MPC1: variants seen among roughly 807,000 people sequenced by gnomAD.
The protein encoded by MPC1 is mitochondrial pyruvate carrier 1.
In MPC1, 6 loss-of-function variants were observed where a neutral mutation model predicts 13.9. The observed-to-expected ratio is 0.43, with a 90% confidence interval of 0.24 to 0.85. The LOEUF is 0.85. Ranked by LOEUF, MPC1 falls within the 40% of genes least tolerant of loss-of-function variation. The pLI is 0.24. For missense variants in MPC1, 115 were observed against 143.3 expected (o/e 0.80, Z 1.01); for synonymous variants, 47 against 50.5 (o/e 0.93, Z 0.29).
chr6:166,370,388 A>G, intron 1 of MPC1, 167 bp from the exon 2 acceptor site: 1 of 559,722 alleles, frequency 1.8e-6, no homozygotes, highest in Admixed American at 3.5e-5. Context: ...ATTATTTTTA[A>G]AAGATCAAGT....
chr6:166,379,180 T>TA (rs35297662), intron 1 of MPC1, among the ~76,000 whole-genome samples: 7 of 151,516 alleles, frequency 4.6e-5, no homozygotes, highest in African/African-American at 7.3e-5. Flanking sequence ...TTCAGTGAAA[T>TA]AAAAAAAAAT....
chr6:166,372,017 T>C (rs1316528549), intron 1 of MPC1, among the ~76,000 whole-genome samples: 1 of 152,148 alleles, frequency 6.6e-6, no homozygotes, highest in African/African-American at 2.4e-5. Context: ...TATATATCAT[T>C]CATATATATA....
intron 1 of MPC1, among the ~76,000 whole-genome samples, chr6:166,375,718 T>C (rs1279470536): frequency 6.6e-6 from 1 of 152,234 alleles, no homozygotes; most frequent in Non-Finnish European, 1.5e-5. Flanking sequence ...CAGCTTTCGT[T>C]AGTGACTTCT....
intron 2 of MPC1, 74 bp from the exon 3 acceptor site, chr6:166,366,965 T>G: frequency 1.2e-6 from 2 of 1,607,242 alleles, no homozygotes; most frequent in Non-Finnish European, 1.7e-6. Flanking sequence ...GAAATTTCCC[T>G]TACTTTAAAT....
At position 166,365,395 on chromosome 6, in the gene MPC1, G is replaced by C. The variant is rs372437344; in HGVS notation, c.*34C>G. The C allele has an allele frequency of 6.6e-7, 1 of 1,519,706 alleles. No individual in the cohort carries two copies. The highest frequency in any genetic ancestry group is 1.3e-5 in the South Asian group (1 of 77,326). The allele number at this position is 1,519,706 out of a possible 1,614,324, so 94.1% of individuals were successfully genotyped here. A position where few individuals can be genotyped will look rare whatever the true frequency, so the allele number is the denominator to read the frequency against. On this transcript the variant is annotated 3_prime_UTR_variant, in exon 5 of 5. Transcript: ENST00000360961. This position sits in a 1 kb window ranked among gnomAD's most constrained non-coding sequence, Gnocchi z 4.2. Reference sequence around the variant, plus strand: ...TGACTCAGCAGCAGCTGGCAATGCTGTCCCTTCAAGACCTTGTTCTTCCTT... The same window carrying C: ...TGACTCAGCAGCAGCTGGCAATGCTCTCCCTTCAAGACCTTGTTCTTCCTT...
chr6:166,381,858 T>TA (rs1779795946), intron 1 of MPC1: 1 of 976,456 alleles, frequency 1.0e-6, no homozygotes. Flanking sequence ...CTCCCAAGCT[T>TA]AAAGTCCTTA....
intron 1 of MPC1, among the ~76,000 whole-genome samples, chr6:166,381,021 A>G (rs969741539): frequency 1.3e-5 from 2 of 152,122 alleles, no homozygotes; most frequent in African/African-American, 4.8e-5. Flanking sequence ...AGGTGTCATA[A>G]CTGTATTTTT....
At chr6:166,371,958 G>A (rs906413837) in intron 1 of MPC1, among the ~76,000 whole-genome samples, 40 of 152,270 alleles carry the variant, frequency 2.6e-4, no homozygotes, top group Admixed American at 6.5e-4. Context: ...AGGAGAAACT[G>A]CAGATGAGGG....
chr6:166,372,020 T>C (rs1779399249), intron 1 of MPC1, among the ~76,000 whole-genome samples: 1 of 152,150 alleles, frequency 6.6e-6, no homozygotes, highest in Non-Finnish European at 1.5e-5. Flanking sequence ...ATATCATTCA[T>C]ATATATACAA....
chr6:166,370,259 G>C (rs765754509), intron 1 of MPC1, 38 bp from the exon 2 acceptor site: 8 of 732,440 alleles, frequency 1.1e-5, no homozygotes, highest in Non-Finnish European at 1.8e-5. Context: ...AGACAGGACA[G>C]ACATGGAAAA....
intron 2 of MPC1, among the ~76,000 whole-genome samples, chr6:166,369,638 T>C (rs962344651): frequency 6.6e-6 from 1 of 152,260 alleles, no homozygotes; most frequent in African/African-American, 2.4e-5. Flanking sequence ...TACAATATTC[T>C]AGTTCTCTCT....
intron 1 of MPC1, among the ~76,000 whole-genome samples, chr6:166,371,436 G>C (rs1779376270): frequency 6.6e-6 from 1 of 152,144 alleles, no homozygotes; most frequent in South Asian, 2.1e-4. Context: ...ATATACCTGA[G>C]CTCTTCTCTT....
In MPC1 at chr6:166,365,065, A is replaced by G; in HGVS notation, c.*364T>C. On this transcript the variant is annotated 3_prime_UTR_variant, in exon 5 of 5. Coordinates refer to ENST00000360961, the MANE Select transcript of MPC1 (RefSeq NM_016098.4). The surrounding 1 kb of genome is among the most constrained non-coding windows in gnomAD (Gnocchi z 4.2). ...CTGTTGGTTGTCTTGTGGTCATTAAAGACAATGTTAAGAATCAGGAGTACT... is the reference window on the plus strand; with the variant it reads ...CTGTTGGTTGTCTTGTGGTCATTAAGGACAATGTTAAGAATCAGGAGTACT... The G allele has an allele frequency of 5.7e-6, 1 of 176,942 alleles. No individual in the cohort carries two copies. Among genetic ancestry groups the G allele is most frequent in the Non-Finnish European group, 1.2e-5 (1 of 84,728 alleles). The allele number at this position is 176,942 out of a possible 1,614,324, so 11.0% of individuals were successfully genotyped here. A position where few individuals can be genotyped will look rare whatever the true frequency, so the allele number is the denominator to read the frequency against.
At chr6:166,374,185 G>C (rs1191148284) in intron 1 of MPC1, among the ~76,000 whole-genome samples, 1 of 152,124 alleles carries the variant, frequency 6.6e-6, no homozygotes, top group Non-Finnish European at 1.5e-5. Context: ...TTAGGTAGAG[G>C]TTTCACCATG....
rs1199050965 is a variant in MPC1, at chr6:166,366,825, G to A, written c.142C>T (p.Pro48Ser). 2 of 1,614,064 alleles carry A rather than the reference G, an allele frequency of 1.2e-6. No homozygotes were observed. Among genetic ancestry groups the A allele is most frequent in the Non-Finnish European group, 8.5e-7 (1 of 1,179,964 alleles). Residue 48 changes from proline to serine, a missense_variant, in exon 3 of 5, where the codon CCA (proline) becomes TCA (serine). Physicochemically the swap from Pro to Ser is moderately conservative, Grantham distance 74 (BLOSUM62 -1). Coordinates refer to ENST00000360961, the MANE Select transcript of MPC1 (RefSeq NM_016098.4). ...GTCATCCGCCCACTGATAATCTCTG[G>A]AGACTTTTTCATATCATTGATGGCA... ...IAAINDMKKS[P>S]EIISGRMTFA... is the part of the protein sequence containing the mutation.
intron 1 of MPC1, among the ~76,000 whole-genome samples, chr6:166,379,459 A>G (rs922712856): frequency 6.6e-6 from 1 of 151,938 alleles, no homozygotes; most frequent in Admixed American, 6.5e-5. Flanking sequence ...ATGCCATTGC[A>G]CTCCAGCCTG....
chr6:166,367,107 C>T (rs900629676), intron 2 of MPC1: 2 of 1,390,044 alleles, frequency 1.4e-6, no homozygotes, highest in Non-Finnish European at 1.9e-6. Flanking sequence ...ACAGCTGAGC[C>T]CAGAGCTAGA....
chr6:166,382,717 C>T (rs1779848926), intron 1 of MPC1, 89 bp downstream of exon 1: 1 of 1,373,246 alleles, frequency 7.3e-7, no homozygotes, highest in Non-Finnish European at 9.7e-7. Context: ...CCACCGCGTC[C>T]TCGCGGCCGC....
chr6:166,377,211 T>TG, intron 1 of MPC1, among the ~76,000 whole-genome samples: 1 of 150,514 alleles, frequency 6.6e-6, no homozygotes, highest in Non-Finnish European at 1.5e-5. Flanking sequence ...GGCAGACCCA[T>TG]GCCGGCACCC....
Sources: gnomAD v4.1 joint callset for allele counts (sites outside exome capture counted in the v4.1 genomes callset) on GRCh38, gnomAD v4.1.1 for gene constraint, Gnocchi (gnomAD v3.1) non-coding constraint, MANE v1.5 for transcripts, NCBI Gene and HGNC (gene_info 2026-07-23, HGNC 2026-07-21) for gene names.